VEPH1: variants seen among roughly 807,000 people sequenced by gnomAD.
VEPH1 encodes ventricular zone-expressed PH domain-containing protein homolog 1.
In VEPH1, 80 loss-of-function variants were observed where a neutral mutation model predicts 85.2. That is an observed-to-expected ratio of 0.94 (90% confidence interval 0.78 to 1.13). VEPH1 has a LOEUF of 1.13. Among genes scored for constraint, VEPH1 ranks in the 50% most tolerant of loss-of-function variants. The pLI is 0.00. For missense variants in VEPH1, 955 were observed against 980.5 expected (o/e 0.97, Z 0.35); for synonymous variants, 297 against 348.0 (o/e 0.85, Z 1.63).
At chr3:157,286,359 TGCC>T (rs940982830) in intron 12 of VEPH1, 195 bp downstream of exon 12, 26 of 614,842 alleles carry the variant, frequency 4.2e-5, no homozygotes, top group Non-Finnish European at 7.4e-5. Context: ...ATTGTTTCTC[TGCC>T]TCCCAAAGTT....
rs17480862 is a variant in VEPH1 at position 157,423,975 on chromosome 3, C to A, written c.696+4347G>T. ...AAATGGGACAACCATAATTGAATAA[C>A]CTTGGACTAACAATTCATATTCACT... On this transcript the variant is annotated intron_variant, in intron 5 of 13. Transcript: ENST00000362010. Among the ~76,000 whole-genome samples, 603 of 152,002 alleles carry A rather than the reference C, an allele frequency of 4.0e-3. 8 individuals are homozygous for A. Among genetic ancestry groups the A allele is most frequent in the African/African-American group, 0.014 (575 of 41,456 alleles).
At chr3:157,437,743 C>T in intron 4 of VEPH1, 1 of 1,496,230 alleles carries the variant, frequency 6.7e-7, no homozygotes, top group Non-Finnish European at 8.8e-7. Flanking sequence ...GGACGAGCTG[C>T]TGCAGGCGAC....
chr3:157,281,427 G>A (rs1559921197), intron 12 of VEPH1, among the ~76,000 whole-genome samples: 1 of 152,112 alleles, frequency 6.6e-6, no homozygotes, highest in South Asian at 2.1e-4. Flanking sequence ...GCATTCCGTT[G>A]TTTTTGGTGC....
At chr3:157,384,371 C>T (rs1162880353) in intron 6 of VEPH1, among the ~76,000 whole-genome samples, 1 of 152,154 alleles carries the variant, frequency 6.6e-6, no homozygotes, top group Non-Finnish European at 1.5e-5. Context: ...GCTGTTTGTC[C>T]TACTAAGATG....
chr3:157,329,082 A>G (rs1003310253), intron 9 of VEPH1, among the ~76,000 whole-genome samples: 1 of 152,228 alleles, frequency 6.6e-6, no homozygotes, highest in Non-Finnish European at 1.5e-5. Context: ...TCGAAGAGGG[A>G]TTTAATTTAT....
At chr3:157,336,227 G>C (rs988588) in intron 9 of VEPH1, among the ~76,000 whole-genome samples, 104,974 of 152,042 alleles carry the variant, frequency 0.69, 36,549 homozygotes, top group East Asian at 0.78. Flanking sequence ...TGTCTAAGTC[G>C]TCTGAATACC....
chr3:157,464,498 A>G (rs990722826), intron 3 of VEPH1, among the ~76,000 whole-genome samples: 2 of 152,220 alleles, frequency 1.3e-5, no homozygotes, highest in Non-Finnish European at 2.9e-5. Context: ...TGCAGATGTG[A>G]GCATGTTGGA....
intron 4 of VEPH1, among the ~76,000 whole-genome samples, chr3:157,441,801 C>T (rs1208457116): frequency 3.5e-5 from 5 of 143,134 alleles, no homozygotes; most frequent in Non-Finnish European, 7.6e-5. Flanking sequence ...CAGAGTGAGA[C>T]TCTGTCTCAA....
At chr3:157,272,399 CTTT>C in intron 12 of VEPH1, among the ~76,000 whole-genome samples, 1 of 132,506 alleles carries the variant, frequency 7.5e-6, no homozygotes. Flanking sequence ...TTCTTTCTTT[CTTT>C]CTTTCTTTCT....
intron 1 of VEPH1, among the ~76,000 whole-genome samples, chr3:157,497,975 C>T (rs1224989617): frequency 6.6e-6 from 1 of 152,142 alleles, no homozygotes; most frequent in African/African-American, 2.4e-5. Flanking sequence ...CTTCAAAACA[C>T]CTTCTACAAT....
chr3:157,485,866 A>T (rs1738575581), intron 2 of VEPH1, among the ~76,000 whole-genome samples: 1 of 152,148 alleles, frequency 6.6e-6, no homozygotes, highest in African/African-American at 2.4e-5. Context: ...ACTTATTAGG[A>T]ATAAAAATGC....
chr3:157,361,798 A>G (rs901172883), intron 9 of VEPH1, among the ~76,000 whole-genome samples: 4 of 152,244 alleles, frequency 2.6e-5, no homozygotes, highest in Non-Finnish European at 4.4e-5. Flanking sequence ...AGGAAGGACT[A>G]CGGCACAAAA....
At chr3:157,501,543 C>T (rs576961949) in intron 1 of VEPH1, among the ~76,000 whole-genome samples, 3 of 152,212 alleles carry the variant, frequency 2.0e-5, no homozygotes, top group Non-Finnish European at 2.9e-5. Flanking sequence ...GACGTACACT[C>T]AATGCCCACT....
chr3:157,455,787 T>C (rs921469862), intron 4 of VEPH1, among the ~76,000 whole-genome samples: 11 of 152,236 alleles, frequency 7.2e-5, no homozygotes, highest in Non-Finnish European at 1.5e-4. Flanking sequence ...TAGTTTTCCA[T>C]GGTGTATAGG....
intron 3 of VEPH1, among the ~76,000 whole-genome samples, chr3:157,467,391 T>C (rs557101222): frequency 5.2e-4 from 79 of 152,190 alleles, no homozygotes; most frequent in Non-Finnish European, 9.1e-4. Flanking sequence ...AGTTGGCCTA[T>C]TGTTTCATTT....
intron 11 of VEPH1, among the ~76,000 whole-genome samples, chr3:157,287,331 C>T (rs1057246021): frequency 7.9e-5 from 12 of 151,780 alleles, no homozygotes; most frequent in African/African-American, 2.7e-4. Flanking sequence ...GGCAAGATTG[C>T]ACCACTGTAC....
intron 4 of VEPH1, among the ~76,000 whole-genome samples, chr3:157,442,134 C>T (rs750348666): frequency 6.6e-6 from 1 of 152,064 alleles, no homozygotes; most frequent in Admixed American, 6.5e-5. Context: ...CTTCTATTTG[C>T]GTGCTTTCTC....
At chr3:157,409,294 T>C (rs550645819) in intron 6 of VEPH1, among the ~76,000 whole-genome samples, 55 of 152,144 alleles carry the variant, frequency 3.6e-4, no homozygotes, top group Non-Finnish European at 6.9e-4. Flanking sequence ...TTTAATCAAA[T>C]ACTATTTCTT....
chr3:157,449,009 C>T (rs553994051), intron 4 of VEPH1, among the ~76,000 whole-genome samples: 1 of 152,244 alleles, frequency 6.6e-6, no homozygotes, highest in African/African-American at 2.4e-5. Flanking sequence ...CTCTTGCCAC[C>T]ACCATGTAAG....
Sources: gnomAD v4.1 joint callset for allele counts (sites outside exome capture counted in the v4.1 genomes callset) on GRCh38, gnomAD v4.1.1 for gene constraint, MANE v1.5 for transcripts, NCBI Gene and HGNC (gene_info 2026-07-23, HGNC 2026-07-21) for gene names.